The following CFAP251 variants were observed in gnomAD, a reference collection of about 807,000 sequenced individuals.
The protein encoded by CFAP251 is cilia- and flagella-associated protein 251.
In CFAP251, 93 loss-of-function variants were observed where a neutral mutation model predicts 126.7. The observed-to-expected ratio is 0.73, with a 90% CI of 0.62 to 0.87. CFAP251 has a LOEUF of 0.87. CFAP251 is among the 40% of genes least tolerant of loss of function. CFAP251 has a pLI of 0.00. For synonymous variants in CFAP251, 503 were observed against 506.9 expected (o/e 0.99, Z 0.10); for missense variants, 1,287 against 1,389.2 (o/e 0.93, Z 1.17).
At chr12:121,993,650 C>T (rs1347751439) in intron 19 of CFAP251, among the ~76,000 whole-genome samples, 10 of 142,058 alleles carry the variant, frequency 7.0e-5, no homozygotes, top group Non-Finnish European at 1.5e-4. Context: ...GTGCCTCTGC[C>T]CGGCCGAGAC....
intron 19 of CFAP251, among the ~76,000 whole-genome samples, chr12:121,988,221 T>TA (rs948972854): frequency 5.9e-4 from 89 of 152,018 alleles, no homozygotes; most frequent in Non-Finnish European, 6.0e-4. Flanking sequence ...TTTCTTTTCT[T>TA]AAAAAAAACT....
intron 9 of CFAP251, among the ~76,000 whole-genome samples, chr12:121,952,010 C>G (rs1213355072): frequency 1.3e-5 from 2 of 152,044 alleles, no homozygotes; most frequent in Non-Finnish European, 2.9e-5. Context: ...GCGTGAGCCA[C>G]TGCACCTGGC....
Position 121,921,444 on chromosome 12 carries a change from T to C in CFAP251, c.139T>C (p.Trp47Arg), listed in dbSNP as rs925684924. ...GGAATCAAAAGATGACACAATAGCA[T>C]GGAGAGAGTCTCAGGAGGAGGAGAG... Reference protein sequence around the residue: ...QQESKDDTIAWRESQEEERKT... With the variant: ...QQESKDDTIARRESQEEERKT... The change falls in exon 2 of 22, where the codon TGG becomes CGG. Residue 47 changes from tryptophan to arginine, a missense_variant. Trp to Arg is a moderately radical substitution (Grantham distance 101, BLOSUM62 -3). Transcript: ENST00000288912. The C allele has an allele frequency of 6.2e-6, 10 of 1,611,328 alleles. No individual in the cohort carries two copies. The highest frequency in any genetic ancestry group is 5.4e-5 in the African/African-American group (4 of 73,844).
chr12:121,938,966 G>A (rs1291245387), intron 5 of CFAP251, among the ~76,000 whole-genome samples: 3 of 150,392 alleles, frequency 2.0e-5, no homozygotes, highest in Non-Finnish European at 4.4e-5. Context: ...CAATCTGGGC[G>A]ACAGAGCGAG....
At chr12:121,980,030 G>A (rs527817836) in intron 19 of CFAP251, among the ~76,000 whole-genome samples, 5 of 152,238 alleles carry the variant, frequency 3.3e-5, no homozygotes, top group Non-Finnish European at 5.9e-5. Context: ...GCTTTCTGCT[G>A]TGTTGTCTCC....
At chr12:121,965,135 A>T (rs534768754) in intron 15 of CFAP251, among the ~76,000 whole-genome samples, 1 of 152,338 alleles carries the variant, frequency 6.6e-6, no homozygotes, top group East Asian at 1.9e-4. Context: ...AAATGCATTT[A>T]AAAAAGATTT....
rs1882204067 is a variant in CFAP251, at chr12:121,967,949, G to A, written c.2608-57G>A. The A allele has an allele frequency of 2.0e-6, 3 of 1,505,352 alleles. No homozygotes were observed. The South Asian group carries it at 3.7e-5, about 18-fold the overall frequency. 93.2% of individuals were successfully genotyped at this position (1,505,352 alleles called of 1,614,324 possible). A position where few individuals can be genotyped will look rare whatever the true frequency, so the allele number is the denominator to read the frequency against. On this transcript the variant is annotated intron_variant, in intron 16 of 21. Coordinates refer to ENST00000288912, the MANE Select transcript of CFAP251 (RefSeq NM_144668.6). Reference sequence around the variant, plus strand: ...TGGAGGTGACATGTGAACGTGCCAGGCCTCTCTCGGGCCCAGCTACCTGAG... The same window carrying A: ...TGGAGGTGACATGTGAACGTGCCAGACCTCTCTCGGGCCCAGCTACCTGAG...
chr12:121,945,207 A>G (rs1881270305), intron 7 of CFAP251, among the ~76,000 whole-genome samples: 2 of 152,064 alleles, frequency 1.3e-5, no homozygotes, highest in Non-Finnish European at 2.9e-5. Flanking sequence ...ATCCTAGTCC[A>G]GGCCACAGTC....
chr12:121,963,169 T>C (rs1274199526), intron 15 of CFAP251, among the ~76,000 whole-genome samples: 1 of 152,144 alleles, frequency 6.6e-6, no homozygotes, highest in Non-Finnish European at 1.5e-5. Context: ...TGAGAGCTGA[T>C]GGCGGCTTGG....
intron 21 of CFAP251, among the ~76,000 whole-genome samples, chr12:122,002,102 C>T (rs1029727680): frequency 6.6e-6 from 1 of 151,890 alleles, no homozygotes; most frequent in Non-Finnish European, 1.5e-5. Context: ...CGCCTGTAAT[C>T]CCAATGCTTT....
intron 7 of CFAP251, 31 bp downstream of exon 7, chr12:121,943,006 C>A (rs369038683): frequency 1.9e-6 from 3 of 1,611,044 alleles, no homozygotes; most frequent in Non-Finnish European, 1.7e-6. Context: ...TAAACATCAA[C>A]CTGAAGTTAT....
chr12:121,955,894 A>G (rs921458796), intron 10 of CFAP251: 4 of 152,130 alleles, frequency 2.6e-5, no homozygotes, highest in African/African-American at 9.7e-5. Flanking sequence ...GAGTCCAAGA[A>G]GGAAAAGGTC....
intron 10 of CFAP251, among the ~76,000 whole-genome samples, chr12:121,956,170 A>G (rs7139277): frequency 0.2 from 30,947 of 152,202 alleles, 6,721 homozygotes; most frequent in African/African-American, 0.54. Flanking sequence ...TGATGACTGG[A>G]CAGGGTTTTA....
At chr12:121,979,213 C>G (rs1401151666) in intron 19 of CFAP251, among the ~76,000 whole-genome samples, 1 of 152,196 alleles carries the variant, frequency 6.6e-6, no homozygotes. Flanking sequence ...TCACCAGGTA[C>G]TGTTGTAAGC....
chr12:121,940,991 G>A (rs1881088920), intron 5 of CFAP251, among the ~76,000 whole-genome samples: 2 of 151,926 alleles, frequency 1.3e-5, no homozygotes, highest in Non-Finnish European at 2.9e-5. Flanking sequence ...TCTTTTTGAA[G>A]GCAGCAAAGT....
intron 8 of CFAP251, chr12:121,950,847 C>G (rs576269451): frequency 6.6e-6 from 1 of 151,900 alleles, no homozygotes; most frequent in Non-Finnish European, 1.5e-5. Flanking sequence ...CGTGAGCCAC[C>G]GTGCCCAGCC....
intron 7 of CFAP251, chr12:121,948,536 A>G (rs1289100627): frequency 6.5e-6 from 1 of 153,778 alleles, no homozygotes; most frequent in Admixed American, 6.5e-5. Flanking sequence ...CCTGGCCAAC[A>G]TGGTGAAACC....
chr12:121,964,322 G>A (rs932186292), intron 15 of CFAP251, among the ~76,000 whole-genome samples: 10 of 152,306 alleles, frequency 6.6e-5, no homozygotes, highest in African/African-American at 2.4e-4. Context: ...AAAGATTTCA[G>A]AATCATTGTG....
intron 3 of CFAP251, among the ~76,000 whole-genome samples, chr12:121,926,919 G>A (rs1454659572): frequency 6.6e-6 from 1 of 152,178 alleles, no homozygotes; most frequent in South Asian, 2.1e-4. Flanking sequence ...ACTTCAGCCT[G>A]GGTAATAGAG....
Sources: allele counts gnomAD v4.1 joint callset (sites outside exome capture counted in the v4.1 genomes callset), GRCh38; gene constraint gnomAD v4.1.1; transcripts MANE v1.5; gene names NCBI Gene and HGNC (gene_info 2026-07-23, HGNC 2026-07-21).